The following GOLPH3 variants were observed in gnomAD, a reference collection of about 807,000 sequenced individuals.
GOLPH3 encodes the protein golgi phosphoprotein 3, also known as coat protein GPP34.
GOLPH3 carries 14 observed loss-of-function variants against 28.5 expected under a neutral mutation model. That is an observed-to-expected ratio of 0.49 (90% CI 0.32 to 0.77). The LOEUF is 0.77. Among genes scored for constraint, GOLPH3 ranks in the 30% least tolerant of loss-of-function variants. GOLPH3 has a pLI of 0.03. For missense variants in GOLPH3, 350 were observed against 393.7 expected, an observed-to-expected ratio of 0.89 and a Z score of 0.94; for synonymous variants, 158 against 159.2, an observed-to-expected ratio of 0.99 and a Z score of 0.06.
At chr5:32,170,202 A>G (rs143677722) in intron 1 of GOLPH3, among the ~76,000 whole-genome samples, 113 of 152,342 alleles carry the variant, frequency 7.4e-4, no homozygotes, top group African/African-American at 2.6e-3. Context: ...CACATTGAAC[A>G]AAAAGCAGAC....
intron 1 of GOLPH3, among the ~76,000 whole-genome samples, chr5:32,171,935 C>T (rs1428932452): frequency 1.3e-5 from 2 of 150,270 alleles, no homozygotes; most frequent in East Asian, 1.9e-4. Context: ...GGCGACAGAG[C>T]GAGATTCCGT....
Position 32,158,023 on chromosome 5 carries a change from TACACACAC to T in GOLPH3, c.226-14151_226-14144del, listed in dbSNP as rs368465798. On this transcript the variant is annotated intron_variant, in intron 1 of 3. Transcript: ENST00000265070. Reference sequence around the variant, plus strand: ...TAAATAAATAAATAAATAAATAAAATACACACACACACACACACACACACACACACACA... The same window carrying T: ...TAAATAAATAAATAAATAAATAAAATACACACACACACACACACACACACA... Among the ~76,000 whole-genome samples the T allele has an allele frequency of 8.6e-4, 23 of 26,752 alleles. 2 individuals carry two copies. Among genetic ancestry groups the T allele is most frequent in the South Asian group, 3.7e-3 (3 of 804 alleles). 17.6% of individuals were successfully genotyped at this position (26,752 alleles called of 152,430 possible). A position where few individuals can be genotyped will look rare whatever the true frequency, so the allele number is the denominator to read the frequency against.
intron 2 of GOLPH3, among the ~76,000 whole-genome samples, chr5:32,139,978 G>T (rs1000063813): frequency 2.0e-5 from 3 of 152,170 alleles, no homozygotes; most frequent in African/African-American, 7.2e-5. Flanking sequence ...AACTCTTTAA[G>T]AGTAGCCAAG....
intron 3 of GOLPH3, among the ~76,000 whole-genome samples, chr5:32,132,098 G>A (rs1745837693): frequency 6.6e-6 from 1 of 152,232 alleles, no homozygotes; most frequent in African/African-American, 2.4e-5. Context: ...CAAGACTGCA[G>A]TGAGCTGTGA....
intron 1 of GOLPH3, among the ~76,000 whole-genome samples, chr5:32,151,848 A>G (rs1418433109): frequency 2.0e-5 from 3 of 152,214 alleles, no homozygotes; most frequent in African/African-American, 7.2e-5. Flanking sequence ...CATTATGCTA[A>G]GTGAAATTAG....
chr5:32,174,279 C>A lies in GOLPH3; in HGVS notation c.-245G>T. 1 of 348,704 alleles carries A rather than the reference C, an allele frequency of 2.9e-6. No homozygotes were observed. Among genetic ancestry groups the A allele is most frequent in the Middle Eastern group, 7.5e-4 (1 of 1,338 alleles). 21.6% of individuals were successfully genotyped at this position (348,704 alleles called of 1,614,324 possible). A position where few individuals can be genotyped will look rare whatever the true frequency, so the allele number is the denominator to read the frequency against. The stretch of plus-strand genomic sequence containing the variant: ...TGTGGCCGCAGTCCCCGAAACACCC[C>A]GAGCTCCAAGGCGGAGGCGGCGGCG... On this transcript the variant is annotated 5_prime_UTR_variant, in exon 1 of 4. Coordinates refer to ENST00000265070, the MANE Select transcript of GOLPH3 (RefSeq NM_022130.4).
chr5:32,125,917 G>A lies in GOLPH3; in HGVS notation c.*295C>T, dbSNP rs1388241484. 5 of 311,210 alleles carry A rather than the reference G, an allele frequency of 1.6e-5. No individual in the cohort carries two copies. Among genetic ancestry groups the A allele is most frequent in the East Asian group, 1.2e-4 (2 of 16,282 alleles). 19.3% of individuals were successfully genotyped at this position (311,210 alleles called of 1,614,324 possible). On this transcript the variant is annotated 3_prime_UTR_variant, in exon 4 of 4. Transcript: ENST00000265070. The stretch of plus-strand genomic sequence containing the variant: ...AAAAGCTGTGCGTATGAGGAGGCTG[G>A]AGGTACTTTGAAAGTCAAAGTAGAC...
At chr5:32,126,799 C>T (rs370429910) in intron 3 of GOLPH3, among the ~76,000 whole-genome samples, 163 bp from the exon 4 acceptor site, 2 of 152,288 alleles carry the variant, frequency 1.3e-5, no homozygotes, top group Admixed American at 1.3e-4. Flanking sequence ...TTAAGCCTAG[C>T]CAGACCTTTG....
At chr5:32,167,066 G>C (rs1306289611) in intron 1 of GOLPH3, among the ~76,000 whole-genome samples, 1 of 152,022 alleles carries the variant, frequency 6.6e-6, no homozygotes, top group Non-Finnish European at 1.5e-5. Flanking sequence ...GGGTATTTAA[G>C]ATTTACATGT....
At chr5:32,139,726 G>C (rs1746014851) in intron 2 of GOLPH3, among the ~76,000 whole-genome samples, 1 of 151,966 alleles carries the variant, frequency 6.6e-6, no homozygotes, top group Non-Finnish European at 1.5e-5. Context: ...AATATAAACA[G>C]ACAATCACGG....
At chr5:32,163,710 G>C (rs973896429) in intron 1 of GOLPH3, among the ~76,000 whole-genome samples, 1 of 151,924 alleles carries the variant, frequency 6.6e-6, no homozygotes, top group Non-Finnish European at 1.5e-5. Flanking sequence ...ATCTGGCAAA[G>C]GGAATGAATG....
At chr5:32,173,467 G>A (rs1419388208) in intron 1 of GOLPH3, among the ~76,000 whole-genome samples, 1 of 152,080 alleles carries the variant, frequency 6.6e-6, no homozygotes, top group Non-Finnish European at 1.5e-5. Flanking sequence ...CAGTCTCCGG[G>A]TTGGATTTGC....
At chr5:32,130,749 C>T (rs930337814) in intron 3 of GOLPH3, among the ~76,000 whole-genome samples, 6 of 152,130 alleles carry the variant, frequency 3.9e-5, no homozygotes, top group African/African-American at 1.4e-4. Context: ...TGCTGTTCTA[C>T]AATATTTTTT....
Position 32,174,190 on chromosome 5 carries a change from A to G in GOLPH3, c.-156T>C. The G allele has an allele frequency of 2.3e-6, 1 of 429,258 alleles. No homozygotes were observed. The allele number at this position is 429,258 out of a possible 1,614,324, so 26.6% of individuals were successfully genotyped here. On this transcript the variant is annotated 5_prime_UTR_variant, in exon 1 of 4. Coordinates refer to ENST00000265070, the MANE Select transcript of GOLPH3 (RefSeq NM_022130.4). ...GCAGGGCCGGGGGCAGTCATGAGGA[A>G]ACAGGTCAGGGCGAAGCGGGCTGGC...
intron 1 of GOLPH3, among the ~76,000 whole-genome samples, chr5:32,149,958 C>A (rs1746268746): frequency 6.6e-6 from 1 of 151,488 alleles, no homozygotes; most frequent in Non-Finnish European, 1.5e-5. Context: ...TGCACTTCAG[C>A]CTGGGCAAAA....
rs1745684753 is a variant in GOLPH3, at chr5:32,126,508, T to C, written c.601A>G (p.Thr201Ala). 1 of 1,614,172 alleles carries C rather than the reference T, an allele frequency of 6.2e-7. No homozygotes were observed. Among genetic ancestry groups the C allele is most frequent in the Non-Finnish European group, 8.5e-7 (1 of 1,180,026 alleles). ...KQNFLLFDMT[T>A]HPLTNNNIKQ... The stretch of plus-strand genomic sequence containing the variant: ...ATGTTGTTATTGGTGAGGGGATGTG[T>C]TGTCATGTCAAAAAGTAGGAAGTTC... The change falls in exon 4 of 4, where the codon ACA becomes GCA. Residue 201 changes from threonine to alanine, a missense_variant. Transcript: ENST00000265070.
At position 32,125,354 on chromosome 5, in the gene GOLPH3, G is replaced by A. The variant is rs968966313; in HGVS notation, c.*858C>T. 6.6e-6 allele frequency: 1 copy of A among 152,570 alleles called. No individual in the cohort carries two copies. Among genetic ancestry groups the A allele is most frequent in the African/African-American group, 2.4e-5 (1 of 41,424 alleles). The allele number at this position is 152,570 out of a possible 1,614,324, so 9.5% of individuals were successfully genotyped here. ...TGCATAGGCAAAGAGTACCATAAATGGCACAGCTCAAAAAATCCCAGGACC... is the reference window on the plus strand; with the variant it reads ...TGCATAGGCAAAGAGTACCATAAATAGCACAGCTCAAAAAATCCCAGGACC... On this transcript the variant is annotated 3_prime_UTR_variant, in exon 4 of 4. Transcript: ENST00000265070.
intron 1 of GOLPH3, among the ~76,000 whole-genome samples, chr5:32,151,388 C>T (rs998859923): frequency 8.6e-5 from 13 of 151,858 alleles, no homozygotes; most frequent in Non-Finnish European, 1.3e-4. Context: ...TAGCTGGGTG[C>T]GATAGCACAT....
chr5:32,132,767 T>C (rs770999227), intron 3 of GOLPH3, among the ~76,000 whole-genome samples: 1 of 152,240 alleles, frequency 6.6e-6, no homozygotes, highest in Non-Finnish European at 1.5e-5. Context: ...AGTTACATTA[T>C]ATATATTTTA....
Sources: gnomAD v4.1 joint callset for allele counts (sites outside exome capture counted in the v4.1 genomes callset) on GRCh38, gnomAD v4.1.1 for gene constraint, MANE v1.5 for transcripts, NCBI Gene and HGNC (gene_info 2026-07-23, HGNC 2026-07-21) for gene names.